The following LRRN2 variants were observed in gnomAD, a reference collection of about 807,000 sequenced individuals.
LRRN2 encodes the protein leucine rich repeat neuronal 2, also known as leucine-rich repeat neuronal protein 2.
In LRRN2, 10 loss-of-function variants were observed where a neutral mutation model predicts 35.7. The observed-to-expected ratio is 0.28, with a 90% confidence interval of 0.17 to 0.47. The LOEUF (loss-of-function observed/expected upper bound fraction) is 0.47, where lower values mean the gene tolerates loss of function less well. Ranked by LOEUF, LRRN2 falls within the 20% of genes least tolerant of loss-of-function variation. LRRN2 has a pLI of 0.99. For synonymous variants in LRRN2, 391 were observed against 409.6 expected (o/e 0.95, Z 0.55); for missense variants, 731 against 940.3 (o/e 0.78, Z 2.91).
intron 1 of LRRN2, chr1:204,621,955 G>A (rs1199619264): frequency 6.0e-6 from 1 of 167,064 alleles, no homozygotes; most frequent in Non-Finnish European, 1.5e-5. Flanking sequence ...CTCATAACAG[G>A]TACATGAGAT....
intron 1 of LRRN2, among the ~76,000 whole-genome samples, chr1:204,658,869 T>G (rs966093111): frequency 5.3e-5 from 8 of 152,184 alleles, no homozygotes; most frequent in Non-Finnish European, 1.0e-4. Flanking sequence ...TCTAGTGTGG[T>G]TTGGGGAGGC....
chr1:204,655,322 C>G (rs1341446707), intron 1 of LRRN2, among the ~76,000 whole-genome samples: 2 of 152,240 alleles, frequency 1.3e-5, no homozygotes, highest in Middle Eastern at 3.2e-3. Flanking sequence ...GGGTCTTGCT[C>G]TGTCACCCAG....
intron 1 of LRRN2, among the ~76,000 whole-genome samples, chr1:204,681,393 T>C (rs1024715926): frequency 6.6e-6 from 1 of 152,232 alleles, no homozygotes; most frequent in Non-Finnish European, 1.5e-5. Flanking sequence ...GATACTGTTC[T>C]AAGCTCATTA....
At chr1:204,633,113 AG>A (rs1667751098) in intron 1 of LRRN2, 1 of 151,322 alleles carries the variant, frequency 6.6e-6, no homozygotes, top group African/African-American at 2.5e-5. Flanking sequence ...GGCTTGACAG[AG>A]AGAATTTTTT....
chr1:204,624,270 T>C (rs1667148698), intron 1 of LRRN2, among the ~76,000 whole-genome samples: 1 of 151,804 alleles, frequency 6.6e-6, no homozygotes, highest in Admixed American at 6.6e-5. Context: ...TGTGTGTGGC[T>C]GGGCCTGGAA....
intron 1 of LRRN2, among the ~76,000 whole-genome samples, chr1:204,633,831 G>T (rs1667767506): frequency 6.6e-6 from 1 of 152,204 alleles, no homozygotes. Context: ...GCTCCGTTGG[G>T]CCTGGGCCAA....
chr1:204,659,703 G>A (rs1668431447), intron 1 of LRRN2, among the ~76,000 whole-genome samples: 1 of 152,056 alleles, frequency 6.6e-6, no homozygotes, highest in African/African-American at 2.4e-5. Flanking sequence ...TTTTTCCCCA[G>A]TGTATTTACT....
At chr1:204,684,348 G>A (rs942032741) in intron 1 of LRRN2, among the ~76,000 whole-genome samples, 1 of 152,190 alleles carries the variant, frequency 6.6e-6, no homozygotes, top group Non-Finnish European at 1.5e-5. Context: ...CAACAGATGG[G>A]AGCTGCGGCA....
rs146545211 is a variant in LRRN2, at chr1:204,678,091, G to A, written c.-227+7229C>T. Among the ~76,000 whole-genome samples, 139 of 152,238 alleles carry A rather than the reference G, an allele frequency of 9.1e-4. 2 individuals are homozygous for A. Among genetic ancestry groups the A allele is most frequent in the Middle Eastern group, 3.4e-3 (1 of 294 alleles). On this transcript the variant is annotated intron_variant, in intron 1 of 1. Transcript: ENST00000367177. ...ATCAGCCGCGCCCCCCTGAGGAAGC[G>A]TTCCCTATATAACTCCCACACAGAG...
At position 204,619,841 on chromosome 1, in the gene LRRN2, G is replaced by A. The variant is rs959930482; in HGVS notation, c.152C>T (p.Thr51Ile). 6.2e-7 allele frequency: 1 copy of A among 1,613,832 alleles called. No homozygotes were observed. The highest frequency in any genetic ancestry group is 1.3e-5 in the African/African-American group (1 of 75,054). The change falls in exon 2 of 2, where the codon ACC (threonine) becomes ATC (isoleucine). Residue 51 changes from threonine to isoleucine, a missense_variant. Transcript: ENST00000367177. ...YTPRSSYREA[T>I]TVDCNDLFLT... ...GAATAGGTCATTGCAGTCCACAGTG[G>A]TAGCCTCGCGGTAGGACGAGCGGGG... is the stretch of plus-strand genomic sequence containing the variant.
chr1:204,623,730 G>A (rs183100038), intron 1 of LRRN2, among the ~76,000 whole-genome samples: 93 of 152,322 alleles, frequency 6.1e-4, no homozygotes, highest in African/African-American at 2.2e-3. Context: ...AGACTGTCAC[G>A]TGTATACTTT....
intron 1 of LRRN2, among the ~76,000 whole-genome samples, chr1:204,654,645 AG>A (rs1399807927): frequency 6.6e-6 from 1 of 152,176 alleles, no homozygotes; most frequent in Admixed American, 6.5e-5. Flanking sequence ...CTGGACCAGA[AG>A]CTCTTTGATT....
intron 1 of LRRN2, among the ~76,000 whole-genome samples, chr1:204,642,925 C>T (rs1461579280): frequency 6.6e-6 from 1 of 152,168 alleles, no homozygotes. Context: ...TTTCACAAGC[C>T]AGCATCCTGA....
chr1:204,668,455 TGTG>T (rs1668635653), intron 1 of LRRN2, among the ~76,000 whole-genome samples: 1 of 152,008 alleles, frequency 6.6e-6, no homozygotes, highest in African/African-American at 2.4e-5. Context: ...ATTAGCCGGG[TGTG>T]GTGGTGCGTG....
At chr1:204,626,057 G>A (rs1296660239) in intron 1 of LRRN2, among the ~76,000 whole-genome samples, 1 of 152,094 alleles carries the variant, frequency 6.6e-6, no homozygotes, top group African/African-American at 2.4e-5. Context: ...GATGGATTGG[G>A]GGTGGCCAGG....
At chr1:204,644,249 T>C (rs536555010) in intron 1 of LRRN2, among the ~76,000 whole-genome samples, 134 of 152,270 alleles carry the variant, frequency 8.8e-4, no homozygotes, top group Non-Finnish European at 1.5e-3. Context: ...CCCCTTCTCC[T>C]CCATGAAGCT....
At chr1:204,638,409 T>C (rs1247490354) in intron 1 of LRRN2, among the ~76,000 whole-genome samples, 1 of 122,502 alleles carries the variant, frequency 8.2e-6, no homozygotes, top group Admixed American at 8.1e-5. Flanking sequence ...TTCCTTTTTT[T>C]TTTTTTTTTT....
intron 1 of LRRN2, among the ~76,000 whole-genome samples, chr1:204,656,201 G>A (rs571468767): frequency 2.0e-5 from 3 of 152,276 alleles, no homozygotes; most frequent in Non-Finnish European, 2.9e-5. Flanking sequence ...GAGCCACCAC[G>A]CCTGGCCCCC....
chr1:204,635,151 G>A (rs1667802216), intron 1 of LRRN2, among the ~76,000 whole-genome samples: 1 of 152,140 alleles, frequency 6.6e-6, no homozygotes, highest in Non-Finnish European at 1.5e-5. Flanking sequence ...CTTTGTTAGA[G>A]ATATATGCAT....
Sources: gnomAD v4.1 joint callset for allele counts (sites outside exome capture counted in the v4.1 genomes callset) on GRCh38, gnomAD v4.1.1 for gene constraint, MANE v1.5 for transcripts, NCBI Gene and HGNC (gene_info 2026-07-23, HGNC 2026-07-21) for gene names.